The following BABAM2 variants were observed in gnomAD, a reference collection of about 807,000 sequenced individuals.
BABAM2 encodes the protein BRISC and BRCA1-A complex member 2.
In BABAM2, 31 loss-of-function variants were observed where a neutral mutation model predicts 54.7. That is an observed-to-expected ratio of 0.57 (90% CI 0.43 to 0.77). The LOEUF (loss-of-function observed/expected upper bound fraction) is 0.77, where lower values mean the gene tolerates loss of function less well. Among genes scored for constraint, BABAM2 ranks in the 30% least tolerant of loss-of-function variants. BABAM2 has a pLI of 0.00. For synonymous variants in BABAM2, 167 were observed against 162.9 expected, an observed-to-expected ratio of 1.03 and a Z score of -0.19; for missense variants, 364 against 455.8, an observed-to-expected ratio of 0.80 and a Z score of 1.83.
chr2:28,104,631 C>T (rs1376644605), intron 6 of BABAM2, among the ~76,000 whole-genome samples: 26 of 151,526 alleles, frequency 1.7e-4, no homozygotes, highest in Admixed American at 5.3e-4. Flanking sequence ...GACAGTGTGG[C>T]GATTCCTTAG....
At chr2:28,244,930 C>A in intron 10 of BABAM2, 68 bp downstream of exon 10, 1 of 1,356,870 alleles carries the variant, frequency 7.4e-7, no homozygotes, top group South Asian at 1.2e-5. Flanking sequence ...ATGTAATAAT[C>A]AGTACTAGAA....
At chr2:28,122,830 A>G (rs1669193082) in intron 6 of BABAM2, among the ~76,000 whole-genome samples, 2 of 150,582 alleles carry the variant, frequency 1.3e-5, no homozygotes, top group Non-Finnish European at 2.9e-5. Flanking sequence ...CTCAATTGAG[A>G]ATAGTTATGT....
chr2:28,091,972 G>A (rs1211268750), intron 6 of BABAM2, among the ~76,000 whole-genome samples: 1 of 151,976 alleles, frequency 6.6e-6, no homozygotes, highest in African/African-American at 2.4e-5. Flanking sequence ...TAGTTGTTAT[G>A]AGGTAAGAAT....
intron 10 of BABAM2, among the ~76,000 whole-genome samples, chr2:28,283,783 T>C (rs530461909): frequency 6.6e-5 from 10 of 152,304 alleles, no homozygotes; most frequent in African/African-American, 1.2e-4. Context: ...ACTATCAGTA[T>C]TGATATTCTT....
At chr2:28,052,343 A>G (rs1678064640) in intron 6 of BABAM2, among the ~76,000 whole-genome samples, 1 of 146,386 alleles carries the variant, frequency 6.8e-6, no homozygotes, top group South Asian at 2.1e-4. Flanking sequence ...GCTGGAGCGT[A>G]GTGGCACGAT....
At chr2:27,913,816 T>C (rs914919738) in intron 2 of BABAM2, among the ~76,000 whole-genome samples, 2 of 152,216 alleles carry the variant, frequency 1.3e-5, no homozygotes, top group Admixed American at 1.3e-4. Flanking sequence ...AATGTAGTTA[T>C]ATTTTCTAAG....
intron 10 of BABAM2, among the ~76,000 whole-genome samples, chr2:28,275,656 T>G (rs1685814654): frequency 6.6e-6 from 1 of 152,164 alleles, no homozygotes; most frequent in Non-Finnish European, 1.5e-5. Flanking sequence ...ACATATGCAT[T>G]TATTAGCGTG....
intron 6 of BABAM2, among the ~76,000 whole-genome samples, chr2:28,050,041 G>C (rs1375028575): frequency 6.6e-6 from 1 of 152,158 alleles, no homozygotes; most frequent in African/African-American, 2.4e-5. Flanking sequence ...GGAAATGGTA[G>C]GGACTGGAGT....
intron 2 of BABAM2, among the ~76,000 whole-genome samples, chr2:27,904,230 C>T (rs139368955): frequency 7.2e-5 from 11 of 152,310 alleles, no homozygotes; most frequent in East Asian, 3.9e-4. Flanking sequence ...CCAAACATTG[C>T]GTTTTCTTGA....
chr2:27,954,782 C>T (rs1425658414), intron 3 of BABAM2, among the ~76,000 whole-genome samples: 2 of 152,182 alleles, frequency 1.3e-5, no homozygotes, highest in South Asian at 2.1e-4. Flanking sequence ...CATGCCAAAG[C>T]ATTGCCAATT....
Position 28,304,771 on chromosome 2 carries a change from G to A in BABAM2, c.1088+6280G>A, listed in dbSNP as rs148170843. On this transcript the variant is annotated intron_variant, in intron 11 of 11. Transcript: ENST00000379624. The surrounding 1 kb of genome is among the most constrained non-coding windows in gnomAD (Gnocchi z 4.0). ...TTTGTATTTTTTTTTTAGTAGAGAC[G>A]GAGTTTTACCATGTTGCCCAGGCTG... Among the ~76,000 whole-genome samples, 1,120 of 151,930 alleles carry A rather than the reference G, an allele frequency of 7.4e-3. 10 individuals carry two copies. Among genetic ancestry groups the A allele is most frequent in the African/African-American group, 0.025 (1,032 of 41,434 alleles).
intron 2 of BABAM2, among the ~76,000 whole-genome samples, chr2:27,912,952 T>G (rs1266143754): frequency 1.3e-5 from 2 of 152,188 alleles, no homozygotes; most frequent in Non-Finnish European, 2.9e-5. Flanking sequence ...TGTTTGTTAC[T>G]GTTGTGGGAA....
intron 3 of BABAM2, among the ~76,000 whole-genome samples, chr2:27,982,882 C>CACAT (rs746699740): frequency 0.033 from 4,874 of 146,360 alleles, 110 homozygotes; most frequent in South Asian, 0.086. Flanking sequence ...CACACACACA[C>CACAT]ATATATGTCA....
intron 6 of BABAM2, among the ~76,000 whole-genome samples, chr2:28,065,656 C>T (rs1287691234): frequency 6.6e-6 from 1 of 151,956 alleles, no homozygotes; most frequent in Non-Finnish European, 1.5e-5. Flanking sequence ...TTTTATTTTG[C>T]AATAAAAACA....
At chr2:28,235,646 T>TTTTG (rs369010050) in intron 7 of BABAM2, among the ~76,000 whole-genome samples, 5,682 of 151,700 alleles carry the variant, frequency 0.037, 210 homozygotes, top group African/African-American at 0.098. Context: ...TAAACTCTTT[T>TTTTG]TTTGTTTGTT....
At chr2:28,218,227 T>C (rs955996274) in intron 7 of BABAM2, among the ~76,000 whole-genome samples, 2 of 152,204 alleles carry the variant, frequency 1.3e-5, no homozygotes, top group Non-Finnish European at 2.9e-5. Context: ...AACATGGACA[T>C]TCTCTTATAT....
chr2:28,075,076 T>C (rs990230728), intron 6 of BABAM2, among the ~76,000 whole-genome samples: 15 of 152,150 alleles, frequency 9.9e-5, no homozygotes, highest in Admixed American at 3.9e-4. Context: ...ACATCTGCAT[T>C]GATGCCTGAA....
At chr2:28,168,091 T>C (rs1352717551) in intron 7 of BABAM2, among the ~76,000 whole-genome samples, 1 of 152,186 alleles carries the variant, frequency 6.6e-6, no homozygotes, top group African/African-American at 2.4e-5. Flanking sequence ...AAGGGCTTTT[T>C]GTTACAGAGG....
intron 6 of BABAM2, among the ~76,000 whole-genome samples, chr2:28,118,087 T>C (rs990411602): frequency 5.9e-5 from 9 of 152,232 alleles, no homozygotes; most frequent in Non-Finnish European, 1.0e-4. Context: ...TCAGCAGGAA[T>C]GCATAACATC....
Sources: allele counts gnomAD v4.1 joint callset (sites outside exome capture counted in the v4.1 genomes callset), GRCh38; gene constraint gnomAD v4.1.1; non-coding constraint Gnocchi (gnomAD v3.1); transcripts MANE v1.5; gene names NCBI Gene and HGNC (gene_info 2026-07-23, HGNC 2026-07-21).